Variants in TOM1L2 observed in about 807,000 individuals in gnomAD.
TOM1L2 encodes the protein TOM1-like protein 2.
A neutral mutation model predicts 67.9 loss-of-function variants in TOM1L2; 31 were observed. The observed-to-expected ratio is 0.46, with a 90% confidence interval of 0.34 to 0.62. The LOEUF (loss-of-function observed/expected upper bound fraction) is 0.62, where lower values mean the gene tolerates loss of function less well. Ranked by LOEUF, TOM1L2 falls within the 20% of genes least tolerant of loss-of-function variation. TOM1L2 has a pLI of 0.01. For synonymous variants in TOM1L2, 256 were observed against 254.0 expected (o/e 1.01, Z -0.07); for missense variants, 606 against 663.5 (o/e 0.91, Z 0.95).
In TOM1L2 at chr17:17,898,578, AAGG is replaced by A; in HGVS notation, c.216+15_216+17del. On this transcript the variant is annotated intron_variant, in intron 3 of 14. Transcript: ENST00000379504. ...AGTTCCCCAGATGACTTCTCTCCTC[AAGG>A]AGAATAGCACTCACTGTTAATGCCA... is the stretch of plus-strand genomic sequence containing the variant. 1 of 1,613,402 alleles carries A rather than the reference AAGG, an allele frequency of 6.2e-7. No individual in the cohort carries two copies. The highest frequency in any genetic ancestry group is 8.5e-7 in the Non-Finnish European group (1 of 1,179,334).
chr17:17,857,098 G>T (rs1276426761), intron 12 of TOM1L2, among the ~76,000 whole-genome samples: 4 of 152,256 alleles, frequency 2.6e-5, no homozygotes, highest in Middle Eastern at 3.4e-3. Context: ...GGGATTACAG[G>T]CACATGCCAC....
chr17:17,911,147 A>G (rs1280868347), intron 1 of TOM1L2, among the ~76,000 whole-genome samples: 2 of 152,222 alleles, frequency 1.3e-5, no homozygotes, highest in Admixed American at 1.3e-4. Context: ...AGCCAGCACT[A>G]TCACTGCTGT....
At chr17:17,935,005 T>C (rs2040465839) in intron 1 of TOM1L2, among the ~76,000 whole-genome samples, 1 of 152,224 alleles carries the variant, frequency 6.6e-6, no homozygotes, top group Admixed American at 6.5e-5. Flanking sequence ...CAGGGCACCA[T>C]GTGCACTGCA....
At chr17:17,941,625 T>G (rs908171885) in intron 1 of TOM1L2, among the ~76,000 whole-genome samples, 1 of 151,716 alleles carries the variant, frequency 6.6e-6, no homozygotes. Context: ...AAAGGCAGAG[T>G]GGAACAATGG....
At chr17:17,875,743 T>C (rs1411977730) in intron 7 of TOM1L2, among the ~76,000 whole-genome samples, 3 of 152,252 alleles carry the variant, frequency 2.0e-5, no homozygotes, top group Non-Finnish European at 4.4e-5. Flanking sequence ...AGTCTTTTAA[T>C]CATCTTTATG....
intron 4 of TOM1L2, 95 bp downstream of exon 4, chr17:17,893,566 T>C (rs953204471): frequency 6.3e-5 from 75 of 1,198,888 alleles, no homozygotes; most frequent in Middle Eastern, 2.0e-4. Flanking sequence ...TCTCCATTTT[T>C]TTTTTCCTCC....
chr17:17,882,604 C>G, intron 6 of TOM1L2, 101 bp downstream of exon 6: 2 of 1,499,998 alleles, frequency 1.3e-6, no homozygotes, highest in Non-Finnish European at 1.8e-6. Flanking sequence ...TCCCTAACAC[C>G]CAGCACAATA....
At position 17,920,775 on chromosome 17, in the gene TOM1L2, C is replaced by G. The variant is rs1030572911; in HGVS notation, c.53-13244G>C. ...TCAGTCTCCTGAGTAGCTGGGATTA[C>G]AGGCGCCCGCCACCATGCCCAGCTA... On this transcript the variant is annotated intron_variant, in intron 1 of 14. Transcript: ENST00000379504. Among the ~76,000 whole-genome samples the G allele has an allele frequency of 2.6e-5, 4 of 151,642 alleles. No homozygotes were observed. The South Asian group carries it at 6.3e-4, about 24-fold the overall frequency.
chr17:17,936,967 C>T (rs1419621705), intron 1 of TOM1L2, among the ~76,000 whole-genome samples: 1 of 152,210 alleles, frequency 6.6e-6, no homozygotes, highest in African/African-American at 2.4e-5. Flanking sequence ...CTGCCTCATA[C>T]CATGAGGGCT....
chr17:17,869,792 C>T, intron 7 of TOM1L2: 1 of 601,966 alleles, frequency 1.7e-6, no homozygotes, highest in South Asian at 6.1e-5. Context: ...ACAAAATATT[C>T]CAGACACCGT....
At chr17:17,850,168 G>A (rs79383804) in intron 13 of TOM1L2, among the ~76,000 whole-genome samples, 3,889 of 152,282 alleles carry the variant, frequency 0.026, 131 homozygotes, top group African/African-American at 0.08. Flanking sequence ...CCATGACTCT[G>A]GGCAAGCCAC....
intron 1 of TOM1L2, among the ~76,000 whole-genome samples, chr17:17,930,933 A>G (rs1371561404): frequency 6.6e-6 from 1 of 152,202 alleles, no homozygotes; most frequent in Non-Finnish European, 1.5e-5. Context: ...TTTTTCCCTA[A>G]CAGTAAGTTT....
intron 1 of TOM1L2, among the ~76,000 whole-genome samples, chr17:17,952,842 C>T (rs1490438654): frequency 1.3e-5 from 2 of 152,144 alleles, no homozygotes; most frequent in African/African-American, 4.8e-5. Flanking sequence ...GAGTAAGAAG[C>T]AACATGGAAT....
chr17:17,859,877 T>A (rs2036458985), intron 12 of TOM1L2: 1 of 152,226 alleles, frequency 6.6e-6, no homozygotes, highest in Non-Finnish European at 1.5e-5. Flanking sequence ...CGAGACTCCA[T>A]CTCAAAAAAA....
At chr17:17,931,324 A>T (rs1266942242) in intron 1 of TOM1L2, among the ~76,000 whole-genome samples, 6 of 152,230 alleles carry the variant, frequency 3.9e-5, no homozygotes, top group African/African-American at 1.4e-4. Flanking sequence ...AGCAAGGCAG[A>T]GCACCAACAA....
At chr17:17,932,639 ATG>A (rs1241246163) in intron 1 of TOM1L2, among the ~76,000 whole-genome samples, 1 of 152,164 alleles carries the variant, frequency 6.6e-6, no homozygotes, top group Non-Finnish European at 1.5e-5. Context: ...GTGGTGGGGA[ATG>A]TACTTTGGAA....
chr17:17,855,962 GAA>G lies in TOM1L2; in HGVS notation c.1279-5012_1279-5011del, dbSNP rs5819629. Among the ~76,000 whole-genome samples, 85 of 144,796 alleles carry G rather than the reference GAA, an allele frequency of 5.9e-4. 1 individual carries two copies. In the Middle Eastern group the frequency reaches 0.014, roughly 24 times the overall value. 95.0% of individuals were successfully genotyped at this position (144,796 alleles called of 152,430 possible). A position where few individuals can be genotyped will look rare whatever the true frequency, so the allele number is the denominator to read the frequency against. On this transcript the variant is annotated intron_variant, in intron 12 of 14. Transcript: ENST00000379504. ...CAAAGCAATTAATATTTGTTGTAAAGAAAAAAAAAAAAACAAACTGCAGTCAG... is the reference window on the plus strand; with the variant it reads ...CAAAGCAATTAATATTTGTTGTAAAGAAAAAAAAAAACAAACTGCAGTCAG...
intron 3 of TOM1L2, among the ~76,000 whole-genome samples, chr17:17,896,807 G>T (rs891043139): frequency 6.6e-6 from 1 of 152,174 alleles, no homozygotes; most frequent in African/African-American, 2.4e-5. Context: ...AACTTATTTT[G>T]GGTAAATATT....
Position 17,844,261 on chromosome 17 carries a change from T to A in TOM1L2, c.*3374A>T, listed in dbSNP as rs1177045459. On this transcript the variant is annotated 3_prime_UTR_variant, in exon 15 of 15. Coordinates refer to ENST00000379504, the MANE Select transcript of TOM1L2 (RefSeq NM_001082968.2). ...GTGTCTGCGGGGGCCCAGGGTGGGG[T>A]GTGGCAGCGGGAAGGAGGGGGGCAG... The A allele has an allele frequency of 6.6e-6, 1 of 151,844 alleles. No homozygotes were observed. The highest frequency in any genetic ancestry group is 1.5e-5 in the Non-Finnish European group (1 of 68,060). The allele number at this position is 151,844 out of a possible 1,614,324, so 9.4% of individuals were successfully genotyped here. A position where few individuals can be genotyped will look rare whatever the true frequency, so the allele number is the denominator to read the frequency against.
Sources: allele counts gnomAD v4.1 joint callset (sites outside exome capture counted in the v4.1 genomes callset), GRCh38; gene constraint gnomAD v4.1.1; transcripts MANE v1.5; gene names NCBI Gene and HGNC (gene_info 2026-07-23, HGNC 2026-07-21).